IFT52: variants seen among roughly 807,000 people sequenced by gnomAD.
IFT52 encodes the protein intraflagellar transport 52.
Under a neutral mutation model 54.4 loss-of-function variants are expected in IFT52, and 44 were observed. The observed-to-expected ratio is 0.81, with a 90% confidence interval of 0.63 to 1.04. The LOEUF (loss-of-function observed/expected upper bound fraction) is 1.04, where lower values mean the gene tolerates loss of function less well. IFT52 is among the 50% of genes least tolerant of loss of function. IFT52 has a pLI of 0.00. For missense variants in IFT52, 452 were observed against 523.6 expected (o/e 0.86, Z 1.33); for synonymous variants, 181 against 185.3 (o/e 0.98, Z 0.19).
chr20:43,633,344 A>G (rs536536698), intron 10 of IFT52, among the ~76,000 whole-genome samples: 1 of 147,246 alleles, frequency 6.8e-6, no homozygotes, highest in African/African-American at 2.5e-5. Context: ...ACTCCGTCTC[A>G]AAAAAAAAAG....
chr20:43,603,746 T>A lies in IFT52; in HGVS notation c.208-14T>A. 1 of 1,610,240 alleles carries A rather than the reference T, an allele frequency of 6.2e-7. No homozygotes were observed. The highest frequency in any genetic ancestry group is 8.5e-7 in the Non-Finnish European group (1 of 1,178,722). On this transcript the variant is annotated splice_polypyrimidine_tract_variant and intron_variant, in intron 3 of 13. Transcript: ENST00000373030. ...TTCAAGTATATTCATAGATTGCTTT[T>A]TTCCTTTGTGTAGTTTGAAATCCTG... is the stretch of plus-strand genomic sequence containing the variant.
intron 10 of IFT52, among the ~76,000 whole-genome samples, chr20:43,628,567 A>G (rs576385930): frequency 4.6e-5 from 7 of 152,250 alleles, no homozygotes; most frequent in African/African-American, 1.7e-4. Context: ...AAAATTACCA[A>G]AGAAGCCGGA....
At chr20:43,632,378 A>G (rs1985234764) in intron 10 of IFT52, among the ~76,000 whole-genome samples, 1 of 151,074 alleles carries the variant, frequency 6.6e-6, no homozygotes, top group African/African-American at 2.4e-5. Flanking sequence ...CTCCTGCCTC[A>G]TCCTCCTGAG....
chr20:43,606,300 G>A (rs1982877443), intron 6 of IFT52, among the ~76,000 whole-genome samples: 1 of 141,030 alleles, frequency 7.1e-6, no homozygotes, highest in Non-Finnish European at 1.5e-5. Flanking sequence ...TTGAGATGGA[G>A]TCTCACTCTG....
At chr20:43,631,065 A>G (rs1985132518) in intron 10 of IFT52, among the ~76,000 whole-genome samples, 1 of 152,150 alleles carries the variant, frequency 6.6e-6, no homozygotes, top group Non-Finnish European at 1.5e-5. Flanking sequence ...AACTGCCCCT[A>G]ATCACTTTTG....
chr20:43,623,825 G>A (rs1984517819), intron 9 of IFT52, 66 bp from the exon 10 acceptor site: 1 of 1,522,324 alleles, frequency 6.6e-7, no homozygotes, highest in African/African-American at 1.4e-5. Context: ...ACCTGAGACA[G>A]TGGAGACTTG....
chr20:43,611,133 G>C (rs1983412389), intron 6 of IFT52, among the ~76,000 whole-genome samples: 1 of 152,124 alleles, frequency 6.6e-6, no homozygotes. Context: ...TTTGAGGTAT[G>C]GACTAGTCCT....
chr20:43,597,024 A>G (rs1982022585), intron 3 of IFT52, among the ~76,000 whole-genome samples: 1 of 149,296 alleles, frequency 6.7e-6, no homozygotes, highest in African/African-American at 2.5e-5. Context: ...TACAGGTGTG[A>G]GCCACCGAGC....
chr20:43,612,375 T>C (rs1419868606), intron 6 of IFT52, among the ~76,000 whole-genome samples: 2 of 151,964 alleles, frequency 1.3e-5, no homozygotes, highest in Non-Finnish European at 2.9e-5. Context: ...AGATGAGATT[T>C]TACTGAAGGA....
chr20:43,592,406 G>T (rs759007856), intron 1 of IFT52, among the ~76,000 whole-genome samples: 1 of 151,868 alleles, frequency 6.6e-6, no homozygotes, highest in Non-Finnish European at 1.5e-5. Flanking sequence ...AAATTTAAAT[G>T]TTAAAAAATT....
chr20:43,594,672 AT>A lies in IFT52; in HGVS notation c.-6-20del. On this transcript the variant is annotated intron_variant, in intron 1 of 13. Coordinates refer to ENST00000373030, the MANE Select transcript of IFT52 (RefSeq NM_016004.5). ...TGGAATATTGTTTATTGATTTTCTG[AT>A]CCCATCTTTCTTCCATAAGGTAACC... 8.0e-7 allele frequency: 1 copy of A among 1,255,068 alleles called. No individual in the cohort carries two copies. Among genetic ancestry groups the A allele is most frequent in the South Asian group, 1.2e-5 (1 of 82,318 alleles). 77.7% of individuals were successfully genotyped at this position (1,255,068 alleles called of 1,614,324 possible).
intron 5 of IFT52, among the ~76,000 whole-genome samples, 169 bp from the exon 6 acceptor site, chr20:43,604,833 T>C (rs958332408): frequency 1.3e-5 from 2 of 152,210 alleles, no homozygotes; most frequent in African/African-American, 2.4e-5. Context: ...AGAGTCTTGC[T>C]CTGTTGCTCA....
chr20:43,596,497 C>T lies in IFT52; in HGVS notation c.182C>T (p.Pro61Leu). ...GTGAAACTGTGGATTACAGCTGGGCCAAGGGAAAAATTTACTGCAGCTGAG... is the reference window on the plus strand; with the variant it reads ...GTGAAACTGTGGATTACAGCTGGGCTAAGGGAAAAATTTACTGCAGCTGAG... The part of the protein sequence containing the change: ...NGVKLWITAG[P>L]REKFTAAEFE... Residue 61 changes from proline (P) to leucine (L), a missense_variant, in exon 3 of 14, where the codon CCA becomes CTA. By Grantham distance (98) the Pro-to-Leu change is moderately conservative. Coordinates refer to ENST00000373030, the MANE Select transcript of IFT52 (RefSeq NM_016004.5). 1 of 1,605,498 alleles carries T rather than the reference C, an allele frequency of 6.2e-7. No individual in the cohort carries two copies. Among genetic ancestry groups the T allele is most frequent in the Non-Finnish European group, 8.5e-7 (1 of 1,173,298 alleles).
Position 43,604,034 on chromosome 20 carries a change from GC to G in IFT52, c.337+147del. On this transcript the variant is annotated intron_variant, in intron 4 of 13. Coordinates refer to ENST00000373030, the MANE Select transcript of IFT52 (RefSeq NM_016004.5). ...TGTTCCATTCTCATCAGCAGTCTGA[GC>G]CTCCTAGGCTTGGGCTGCTTCCATT... The G allele has an allele frequency of 4.4e-6, 4 of 919,266 alleles. No individual in the cohort carries two copies. In the South Asian group the frequency reaches 5.9e-5, roughly 14 times the overall value. The allele number at this position is 919,266 out of a possible 1,614,324, so 56.9% of individuals were successfully genotyped here.
At chr20:43,597,908 A>AC (rs1982119123) in intron 3 of IFT52, among the ~76,000 whole-genome samples, 1 of 151,564 alleles carries the variant, frequency 6.6e-6, no homozygotes, top group South Asian at 2.1e-4. Context: ...AAAAAAAAAA[A>AC]AAACTGCCAT....
rs772966646 is a variant in IFT52 at position 43,603,813 on chromosome 20, AGGAGAAGGT to A, written c.268_276del (p.Gly90_Glu92del). The A allele has an allele frequency of 3.1e-6, 5 of 1,606,494 alleles. No homozygotes were observed. Among genetic ancestry groups the A allele is most frequent in the Non-Finnish European group, 3.4e-6 (4 of 1,174,214 alleles). ...CTGGTGGAGATGTCTTTGTGATGCT[AGGAGAAGGT>A]GGAGAATCCAGATTTGACACCAATA... On this transcript the variant is annotated inframe_deletion, in exon 4 of 14. Transcript: ENST00000373030.
At chr20:43,626,264 CTTT>C (rs1193799201) in intron 10 of IFT52, among the ~76,000 whole-genome samples, 9 of 138,884 alleles carry the variant, frequency 6.5e-5, no homozygotes, top group South Asian at 2.3e-4. Flanking sequence ...ACATCTTTTC[CTTT>C]TTTTTTTTTT....
At chr20:43,618,646 T>A (rs1984040537) in intron 7 of IFT52, among the ~76,000 whole-genome samples, 1 of 64,020 alleles carries the variant, frequency 1.6e-5, no homozygotes, top group Non-Finnish European at 3.7e-5. Flanking sequence ...CACACCTGGC[T>A]GATTTTTTTT....
intron 6 of IFT52, among the ~76,000 whole-genome samples, chr20:43,607,349 C>T (rs1260309859): frequency 1.9e-4 from 28 of 151,060 alleles, no homozygotes; most frequent in African/African-American, 5.8e-4. Flanking sequence ...GGCTGCCGGG[C>T]GGAGACGCTC....
Sources: gnomAD v4.1 joint callset for allele counts (sites outside exome capture counted in the v4.1 genomes callset) on GRCh38, gnomAD v4.1.1 for gene constraint, MANE v1.5 for transcripts, NCBI Gene and HGNC (gene_info 2026-07-23, HGNC 2026-07-21) for gene names.